Variants in THRB observed in about 807,000 individuals in gnomAD.
THRB encodes thyroid hormone receptor beta.
THRB carries 12 observed loss-of-function variants against 47.8 expected under a neutral mutation model. That is an observed-to-expected ratio of 0.25 (90% CI 0.16 to 0.41). THRB has a LOEUF of 0.41. Ranked by LOEUF, THRB falls within the 10% of genes least tolerant of loss-of-function variation. The pLI is 1.00. For synonymous variants in THRB, 218 were observed against 212.2 expected (o/e 1.03, Z -0.24); for missense variants, 348 against 589.2 (o/e 0.59, Z 4.24).
intron 5 of THRB, among the ~76,000 whole-genome samples, chr3:24,186,432 C>A (rs559515010): frequency 1.0e-5 from 1 of 96,632 alleles, no homozygotes; most frequent in Non-Finnish European, 2.0e-5. Flanking sequence ...ATGGAAAGAG[C>A]GGGTGTGGGT....
chr3:24,403,999 A>G (rs2067628717), intron 1 of THRB, among the ~76,000 whole-genome samples: 1 of 152,012 alleles, frequency 6.6e-6, no homozygotes, highest in Non-Finnish European at 1.5e-5. Context: ...ATTTGTCGCC[A>G]ATGATAAAAT....
rs1404605660 is a variant in THRB, at chr3:24,120,858, A to G, written c.*2026T>C. 1.3e-5 allele frequency: 2 copies of G among 152,130 alleles called. No homozygotes were observed. The highest frequency in any genetic ancestry group is 2.4e-5 in the African/African-American group (1 of 41,426). The allele number at this position is 152,130 out of a possible 1,614,324, so 9.4% of individuals were successfully genotyped here. The stretch of plus-strand genomic sequence containing the variant: ...TCTCTGGGTAACAAGTTCCATAGCA[A>G]TGTTCTTGTTTCCTTTTTCCCAGAA... On this transcript the variant is annotated 3_prime_UTR_variant, in exon 11 of 11. Coordinates refer to ENST00000646209, the MANE Select transcript of THRB (RefSeq NM_001354712.2).
intron 4 of THRB, among the ~76,000 whole-genome samples, chr3:24,216,446 A>G (rs2046571219): frequency 6.6e-6 from 1 of 152,176 alleles, no homozygotes; most frequent in Middle Eastern, 3.2e-3. Context: ...TCTACTCAAA[A>G]AAATACAAAA....
At chr3:24,155,399 A>G (rs1034359956) in intron 5 of THRB, among the ~76,000 whole-genome samples, 1 of 152,192 alleles carries the variant, frequency 6.6e-6, no homozygotes, top group African/African-American at 2.4e-5. Flanking sequence ...CTTTTCTGTA[A>G]CATATTAACT....
intron 3 of THRB, among the ~76,000 whole-genome samples, chr3:24,260,945 C>G (rs1309396011): frequency 6.6e-6 from 1 of 152,142 alleles, no homozygotes; most frequent in Non-Finnish European, 1.5e-5. Flanking sequence ...GGCCCCAACC[C>G]CAGAGTTTCT....
intron 3 of THRB, among the ~76,000 whole-genome samples, chr3:24,260,787 T>G (rs1194419623): frequency 6.6e-6 from 1 of 152,206 alleles, no homozygotes; most frequent in East Asian, 1.9e-4. Flanking sequence ...CCTATTTAAC[T>G]GAGAACACAG....
At chr3:24,348,818 G>C (rs923168793) in intron 1 of THRB, 2 of 151,822 alleles carry the variant, frequency 1.3e-5, no homozygotes, top group Non-Finnish European at 2.9e-5. Context: ...CTAAGACTAA[G>C]AATAATTCAA....
intron 1 of THRB, among the ~76,000 whole-genome samples, chr3:24,492,743 G>T (rs1238581692): frequency 2.6e-5 from 4 of 152,162 alleles, no homozygotes; most frequent in Admixed American, 2.6e-4. Flanking sequence ...TTACTACAAA[G>T]AAACTGAAAG....
intron 2 of THRB, among the ~76,000 whole-genome samples, chr3:24,311,580 C>G (rs141238184): frequency 6.6e-6 from 1 of 152,124 alleles, no homozygotes; most frequent in Non-Finnish European, 1.5e-5. Context: ...CACCTGAGTC[C>G]GTATCTTAGC....
At chr3:24,156,271 C>T (rs1289762502) in intron 5 of THRB, among the ~76,000 whole-genome samples, 1 of 152,178 alleles carries the variant, frequency 6.6e-6, no homozygotes, top group African/African-American at 2.4e-5. Context: ...ATGCTTTCTT[C>T]CCTATGGGCA....
intron 4 of THRB, among the ~76,000 whole-genome samples, chr3:24,220,787 C>T (rs2047074978): frequency 1.6e-5 from 2 of 123,976 alleles, no homozygotes; most frequent in African/African-American, 7.3e-5. Context: ...GAACTTCAGT[C>T]AAGGTTAAAC....
At chr3:24,217,040 C>T (rs1464404994) in intron 4 of THRB, among the ~76,000 whole-genome samples, 1 of 150,134 alleles carries the variant, frequency 6.7e-6, no homozygotes, top group Non-Finnish European at 1.5e-5. Flanking sequence ...GTTTTCTCAA[C>T]CCTAAGTAGG....
chr3:24,466,799 T>C (rs1336553365), intron 1 of THRB, among the ~76,000 whole-genome samples: 1 of 152,188 alleles, frequency 6.6e-6, no homozygotes, highest in Non-Finnish European at 1.5e-5. Context: ...CTTTAGTGAG[T>C]CATAATCTTT....
At chr3:24,443,173 C>T (rs2071724457) in intron 1 of THRB, among the ~76,000 whole-genome samples, 2 of 152,070 alleles carry the variant, frequency 1.3e-5, no homozygotes, top group Admixed American at 1.3e-4. Flanking sequence ...AGTGAGATTC[C>T]ATCTCAAACA....
At chr3:24,159,455 T>C (rs1434677860) in intron 5 of THRB, among the ~76,000 whole-genome samples, 9 of 152,206 alleles carry the variant, frequency 5.9e-5, no homozygotes, top group Non-Finnish European at 1.3e-4. Flanking sequence ...ATGACACATA[T>C]GTATGTGTTA....
At chr3:24,309,180 T>C (rs953450228) in intron 2 of THRB, among the ~76,000 whole-genome samples, 5 of 152,344 alleles carry the variant, frequency 3.3e-5, no homozygotes, top group Middle Eastern at 3.4e-3. Flanking sequence ...TTTTTGTATA[T>C]GTATTATGAT....
At chr3:24,475,091 A>G (rs1273590669) in intron 1 of THRB, among the ~76,000 whole-genome samples, 1 of 152,208 alleles carries the variant, frequency 6.6e-6, no homozygotes, top group African/African-American at 2.4e-5. Context: ...TCATGTTCTA[A>G]TTAGTCTTGA....
At position 24,123,022 on chromosome 3, in the gene THRB, G is replaced by C; in HGVS notation, c.1248C>G (p.His416Gln). Residue 416 changes from histidine to glutamine, a missense_variant, in exon 11 of 11, where the codon CAC (histidine) becomes CAG (glutamine). By Grantham distance (24) the His-to-Gln change is conservative (BLOSUM62 0). Coordinates refer to ENST00000646209, the MANE Select transcript of THRB (RefSeq NM_001354712.2). Reference sequence around the variant, plus strand: ...CCTTCATCAGGAGTTTTGGCCAAAAGTGTGTCACGTGGTGTTTTCGGTAAT... The same window carrying C: ...CCTTCATCAGGAGTTTTGGCCAAAACTGTGTCACGTGGTGTTTTCGGTAAT... The part of the protein sequence containing the change: ...YINYRKHHVT[H>Q]FWPKLLMKVT... The C allele has an allele frequency of 6.2e-7, 1 of 1,614,230 alleles. No individual in the cohort carries two copies. The highest frequency in any genetic ancestry group is 2.2e-5 in the East Asian group (1 of 44,882).
At chr3:24,318,008 A>C (rs1379834324) in intron 2 of THRB, among the ~76,000 whole-genome samples, 4 of 152,158 alleles carry the variant, frequency 2.6e-5, no homozygotes, top group African/African-American at 7.2e-5. Flanking sequence ...GCAGTGAGCT[A>C]TGATGGCACC....
Sources: allele counts gnomAD v4.1 joint callset (sites outside exome capture counted in the v4.1 genomes callset), GRCh38; gene constraint gnomAD v4.1.1; transcripts MANE v1.5; gene names NCBI Gene and HGNC (gene_info 2026-07-23, HGNC 2026-07-21).